The following ATP9B variants were observed in gnomAD, a reference collection of about 807,000 sequenced individuals.
ATP9B encodes probable phospholipid-transporting ATPase IIB.
In ATP9B, 110 loss-of-function variants were observed where a neutral mutation model predicts 146.1. The observed-to-expected ratio is 0.75, with a 90% CI of 0.65 to 0.88. The LOEUF (loss-of-function observed/expected upper bound fraction) is 0.88, where lower values mean the gene tolerates loss of function less well. Ranked by LOEUF, ATP9B falls within the 40% of genes least tolerant of loss-of-function variation. The probability of loss-of-function intolerance (pLI) is 0.00; values close to 1 mark genes in which losing one functional copy is unlikely to be tolerated. For missense variants in ATP9B, 1,499 were observed against 1,496.4 expected, an observed-to-expected ratio of 1.00 and a Z score of -0.03; for synonymous variants, 604 against 569.7, an observed-to-expected ratio of 1.06 and a Z score of -0.86.
Position 79,239,100 on chromosome 18 carries a change from C to A in ATP9B, c.1108-14281C>A, listed in dbSNP as rs948321515. Among the ~76,000 whole-genome samples the A allele has an allele frequency of 4.6e-5, 7 of 152,094 alleles. No homozygotes were observed. Among genetic ancestry groups the A allele is most frequent in the African/African-American group, 1.7e-4 (7 of 41,434 alleles). ...CCCCAACCCCCAGTCATCAAAACAA[C>A]GGGGTCAACTGGGAAGGAAGGATGG... On this transcript the variant is annotated intron_variant, in intron 11 of 29. Transcript: ENST00000426216. The surrounding 1 kb of genome is among the most constrained non-coding windows in gnomAD (Gnocchi z 5.1).
intron 11 of ATP9B, among the ~76,000 whole-genome samples, chr18:79,252,320 G>A (rs1432858496): frequency 3.9e-5 from 6 of 152,198 alleles, no homozygotes; most frequent in South Asian, 2.1e-4. Flanking sequence ...AGGTTATGCC[G>A]CTAAGTGGCA....
At chr18:79,166,372 G>T (rs554321470) in intron 7 of ATP9B, among the ~76,000 whole-genome samples, 5 of 152,282 alleles carry the variant, frequency 3.3e-5, no homozygotes, top group Admixed American at 3.3e-4. Context: ...CTCCCTGGGA[G>T]ATAACAGCCC....
chr18:79,193,247 A>G lies in ATP9B; in HGVS notation c.938A>G (p.Glu313Gly). The G allele has an allele frequency of 6.2e-7, 1 of 1,610,112 alleles. No homozygotes were observed. The highest frequency in any genetic ancestry group is 8.5e-7 in the Non-Finnish European group (1 of 1,176,468). The change falls in exon 9 of 30, where the codon GAA becomes GGA. Residue 313 changes from glutamate (E) to glycine (G), a missense_variant. Glu to Gly is a moderately conservative substitution (Grantham distance 98). Transcript: ENST00000426216. ...CCACAAATGGACATTCACAGTTTCG[A>G]AGGCACATTTACCAGGGTAAGTTAA... ...QKPQMDIHSFEGTFTREDSDP... is the reference protein window; with the variant it reads ...QKPQMDIHSFGGTFTREDSDP...
rs554935035 is a variant in ATP9B at position 79,176,233 on chromosome 18, C to T, written c.779-580C>T. On this transcript the variant is annotated intron_variant, in intron 7 of 29. Transcript: ENST00000426216. ...TCATTTTGTGCTTTTGCTATTCCAT[C>T]ATTAGAATAGATTCTGAGAAGTGGG... Among the ~76,000 whole-genome samples, 200 of 152,304 alleles carry T rather than the reference C, an allele frequency of 1.3e-3. 2 individuals carry two copies. The highest frequency in any genetic ancestry group is 6.8e-3 in the Middle Eastern group (2 of 294).
intron 11 of ATP9B, among the ~76,000 whole-genome samples, chr18:79,237,304 C>T (rs921244705): frequency 3.5e-5 from 5 of 141,796 alleles, no homozygotes; most frequent in African/African-American, 1.3e-4. Flanking sequence ...GGTCCGTGCA[C>T]GAGTCAGTGT....
At chr18:79,323,564 T>G (rs547919432) in intron 15 of ATP9B, among the ~76,000 whole-genome samples, 1 of 152,334 alleles carries the variant, frequency 6.6e-6, no homozygotes, top group South Asian at 2.1e-4. Flanking sequence ...CCAGTGTTTG[T>G]CTTTCTGTGC....
chr18:79,196,045 A>G (rs1379302018), intron 9 of ATP9B, among the ~76,000 whole-genome samples: 2 of 152,182 alleles, frequency 1.3e-5, no homozygotes, highest in Non-Finnish European at 2.9e-5. Flanking sequence ...ACAGGGAAAA[A>G]TCCTTTGATC....
At chr18:79,264,034 G>A (rs372688115) in intron 12 of ATP9B, among the ~76,000 whole-genome samples, 1 of 152,054 alleles carries the variant, frequency 6.6e-6, no homozygotes, top group African/African-American at 2.4e-5. Flanking sequence ...GCAGTGAGCC[G>A]AGATCGCGCC....
intron 10 of ATP9B, chr18:79,209,501 G>A (rs2095564275): frequency 5.5e-6 from 1 of 182,156 alleles, no homozygotes; most frequent in South Asian, 1.9e-4. Context: ...AGGCTTTTGA[G>A]ACATCCCATA....
Position 79,113,309 on chromosome 18 carries a change from A to G in ATP9B, c.513A>G (p.Val171=), listed in dbSNP as rs757805910. 1 of 1,601,184 alleles carries G rather than the reference A, an allele frequency of 6.2e-7. No homozygotes were observed. Among genetic ancestry groups the G allele is most frequent in the South Asian group, 1.1e-5 (1 of 89,684 alleles). The change falls in exon 4 of 30, where the codon GTA becomes GTG. Residue 171 remains valine, a synonymous_variant. Transcript: ENST00000426216. ...YFLVISCSQF[V]PALKIGYLYT... is the part of the protein sequence containing the mutation. Reference sequence around the variant, plus strand: ...TAGTAATATCCTGCTCACAGTTTGTACCAGCATTGAAAATAGGCTATCTCT... The same window carrying G: ...TAGTAATATCCTGCTCACAGTTTGTGCCAGCATTGAAAATAGGCTATCTCT...
At chr18:79,194,142 A>G (rs914190008) in intron 9 of ATP9B, among the ~76,000 whole-genome samples, 1 of 152,318 alleles carries the variant, frequency 6.6e-6, no homozygotes, top group Middle Eastern at 3.4e-3. Flanking sequence ...GGTGATAAAT[A>G]TCATGGAGTG....
intron 2 of ATP9B, among the ~76,000 whole-genome samples, chr18:79,097,027 G>A (rs1038569017): frequency 6.6e-6 from 1 of 151,900 alleles, no homozygotes; most frequent in African/African-American, 2.4e-5. Context: ...GCGAGATTGT[G>A]AGCTCCTGTA....
chr18:79,215,139 T>G (rs2095615771), intron 11 of ATP9B, among the ~76,000 whole-genome samples: 1 of 133,370 alleles, frequency 7.5e-6, no homozygotes, highest in South Asian at 2.5e-4. Context: ...CAGGGTGAGA[T>G]TCTGTCTCAA....
intron 8 of ATP9B, among the ~76,000 whole-genome samples, chr18:79,178,270 C>T (rs550098171): frequency 6.6e-6 from 1 of 152,246 alleles, no homozygotes; most frequent in Admixed American, 6.5e-5. Flanking sequence ...ATGAGTGACC[C>T]GGTTTCTCTG....
At chr18:79,244,990 T>G (rs1422611100) in intron 11 of ATP9B, among the ~76,000 whole-genome samples, 1 of 152,168 alleles carries the variant, frequency 6.6e-6, no homozygotes, top group Non-Finnish European at 1.5e-5. Flanking sequence ...GGGCAAGAAG[T>G]ATTTGAGTGT....
chr18:79,224,175 G>A (rs117321516), intron 11 of ATP9B, among the ~76,000 whole-genome samples: 1,581 of 152,284 alleles, frequency 0.01, 12 homozygotes, highest in Admixed American at 0.016. Flanking sequence ...TATTCAAGAA[G>A]CAAGTATTTT....
intron 11 of ATP9B, among the ~76,000 whole-genome samples, chr18:79,222,175 T>G (rs908603490): frequency 2.6e-5 from 4 of 151,926 alleles, no homozygotes; most frequent in Non-Finnish European, 5.9e-5. Flanking sequence ...CTGCCCAATA[T>G]GGTGAAACCC....
rs745961288 is a variant in ATP9B at position 79,277,137 on chromosome 18, G to A, written c.1352G>A (p.Arg451Gln). ...KDENIPGTVVRTSTIPEELGR... is the reference protein window; with the variant it reads ...KDENIPGTVVQTSTIPEELGR... ...GAGAACATCCCTGGCACGGTCGTTC[G>A]GACCAGCACTATCCCAGAGGAACTT... The change falls in exon 13 of 30, where the codon CGG (arginine) becomes CAG (glutamine). Residue 451 changes from arginine (R) to glutamine (Q), a missense_variant. Coordinates refer to ENST00000426216, the MANE Select transcript of ATP9B (RefSeq NM_198531.5). The A allele has an allele frequency of 1.6e-5, 26 of 1,614,096 alleles. No homozygotes were observed. Among genetic ancestry groups the A allele is most frequent in the East Asian group, 2.2e-5 (1 of 44,894 alleles).
intron 15 of ATP9B, among the ~76,000 whole-genome samples, chr18:79,311,644 T>C (rs2096653011): frequency 6.6e-6 from 1 of 152,308 alleles, no homozygotes; most frequent in Non-Finnish European, 1.5e-5. Flanking sequence ...TCATTAGCCA[T>C]GTAAGAACCT....
Sources: gnomAD v4.1 joint callset for allele counts (sites outside exome capture counted in the v4.1 genomes callset) on GRCh38, gnomAD v4.1.1 for gene constraint, Gnocchi (gnomAD v3.1) non-coding constraint, MANE v1.5 for transcripts, NCBI Gene and HGNC (gene_info 2026-07-23, HGNC 2026-07-21) for gene names.